The following ENTREP2 variants were observed in gnomAD, a reference collection of about 807,000 sequenced individuals.
The protein encoded by ENTREP2 is endosomal transmembrane epsin interactor 2.
chr15:29,346,149 G>A, the ENTREP2 span, among the ~76,000 whole-genome samples: 2 of 152,314 alleles, frequency 1.3e-5, no homozygotes, highest in South Asian at 4.1e-4. Flanking sequence ...AAGAGAACCT[G>A]GAGGGTCCAG....
chr15:29,606,097 TA>T, the ENTREP2 span, among the ~76,000 whole-genome samples: 3 of 152,116 alleles, frequency 2.0e-5, no homozygotes, highest in Non-Finnish European at 4.4e-5. Flanking sequence ...CTACCTATTC[TA>T]AAAAATGTGT....
the ENTREP2 span, among the ~76,000 whole-genome samples, chr15:29,570,874 G>T: frequency 6.9e-6 from 1 of 144,722 alleles, no homozygotes; most frequent in African/African-American, 2.5e-5. Context: ...CGCCGGGAGC[G>T]GGCCGGGCCG....
At chr15:29,182,690 G>A in the ENTREP2 span, among the ~76,000 whole-genome samples, 3 of 152,030 alleles carry the variant, frequency 2.0e-5, no homozygotes, top group South Asian at 6.2e-4. Flanking sequence ...AGAGAAGAGA[G>A]CTCTCTCTCC....
At chr15:29,158,971 C>T in the ENTREP2 span, among the ~76,000 whole-genome samples, 1,394 of 152,226 alleles carry the variant, frequency 9.2e-3, 20 homozygotes, top group African/African-American at 0.031. Flanking sequence ...CAGAGAAAAG[C>T]GACAGCAATG....
At chr15:29,256,957 T>G in the ENTREP2 span, among the ~76,000 whole-genome samples, 1 of 152,042 alleles carries the variant, frequency 6.6e-6, no homozygotes, top group Non-Finnish European at 1.5e-5. Flanking sequence ...TGAAGATCAC[T>G]CGAAATAAGA....
the ENTREP2 span, among the ~76,000 whole-genome samples, chr15:29,642,557 ATATATAC>A: frequency 2.1e-5 from 3 of 146,030 alleles, no homozygotes; most frequent in Non-Finnish European, 3.0e-5. Flanking sequence ...ATATACACAT[ATATATAC>A]TATATACTAT....
chr15:29,545,540 A>G, the ENTREP2 span, among the ~76,000 whole-genome samples: 2 of 152,234 alleles, frequency 1.3e-5, no homozygotes, highest in Admixed American at 6.5e-5. Context: ...ATATTTTATG[A>G]AAGCTTTGTT....
the ENTREP2 span, among the ~76,000 whole-genome samples, chr15:29,383,532 G>A: frequency 6.6e-6 from 1 of 152,178 alleles, no homozygotes; most frequent in African/African-American, 2.4e-5. Flanking sequence ...TTGCCACTGT[G>A]GGCACAAGCC....
At chr15:29,507,399 A>T in the ENTREP2 span, among the ~76,000 whole-genome samples, 1 of 152,196 alleles carries the variant, frequency 6.6e-6, no homozygotes, top group African/African-American at 2.4e-5. Flanking sequence ...GCTCTGCACC[A>T]AGCAGACCTA....
the ENTREP2 span, among the ~76,000 whole-genome samples, chr15:29,263,811 C>T: frequency 6.6e-6 from 1 of 152,124 alleles, no homozygotes; most frequent in Non-Finnish European, 1.5e-5. Context: ...CCAAAAGAAA[C>T]CGGAGCTCTT....
the ENTREP2 span, chr15:29,570,536 C>T: frequency 2.1e-6 from 3 of 1,458,172 alleles, no homozygotes; most frequent in Non-Finnish European, 2.7e-6. Flanking sequence ...GCAGGAGTGG[C>T]GGACGCGGGC....
At chr15:29,331,462 G>A in the ENTREP2 span, among the ~76,000 whole-genome samples, 1 of 152,252 alleles carries the variant, frequency 6.6e-6, no homozygotes, top group South Asian at 2.1e-4. Context: ...TCTGAGACGA[G>A]TCCTTGGCAC....
chr15:29,600,048 G>A, the ENTREP2 span, among the ~76,000 whole-genome samples: 3 of 152,282 alleles, frequency 2.0e-5, no homozygotes, highest in African/African-American at 7.2e-5. Context: ...CCTGAGAGGC[G>A]ATGTTTCACT....
the ENTREP2 span, among the ~76,000 whole-genome samples, chr15:29,580,011 A>G: frequency 2.6e-5 from 4 of 151,376 alleles, no homozygotes; most frequent in East Asian, 5.9e-4. Context: ...CGCCCGGCCA[A>G]TTTTTTCTAT....
the ENTREP2 span, among the ~76,000 whole-genome samples, chr15:29,502,419 A>G: frequency 6.6e-6 from 1 of 152,004 alleles, no homozygotes; most frequent in African/African-American, 2.4e-5. Context: ...CCCACCTTAT[A>G]CCATATACAA....
chr15:29,123,773 T>TGCCCAGAGCGCCAGCCCCA, the ENTREP2 span: 1 of 1,030,868 alleles, frequency 9.7e-7, no homozygotes, highest in Non-Finnish European at 1.4e-6. Context: ...TTCCTGGGGC[T>TGCCCAGAGCGCCAGCCCCA]GGCGCTCTGG....
chr15:29,266,320 T>C, the ENTREP2 span: 2 of 152,176 alleles, frequency 1.3e-5, no homozygotes, highest in Non-Finnish European at 2.9e-5. Context: ...GTGGAGGGAT[T>C]GGTAAACAAA....
At chr15:29,135,864 C>A in the ENTREP2 span, among the ~76,000 whole-genome samples, 1 of 152,200 alleles carries the variant, frequency 6.6e-6, no homozygotes. The surrounding 1 kb of genome is among the most constrained non-coding windows in gnomAD (Gnocchi z 7.4). Context: ...CCCCAGAGGG[C>A]GGTGATGGCA....
the ENTREP2 span, chr15:29,269,028 G>T: frequency 2.5e-6 from 4 of 1,614,034 alleles, no homozygotes; most frequent in South Asian, 1.1e-5. Context: ...GTCGCACAAA[G>T]TCCTCAGTAA....
Sources: gnomAD v4.1 joint callset for allele counts (sites outside exome capture counted in the v4.1 genomes callset) on GRCh38, gnomAD v4.1.1 for gene constraint, Gnocchi (gnomAD v3.1) non-coding constraint, MANE v1.5 for transcripts, NCBI Gene and HGNC (gene_info 2026-07-23, HGNC 2026-07-21) for gene names.